The following PDE1C variants were observed in gnomAD, a reference collection of about 807,000 sequenced individuals.
The protein encoded by PDE1C is dual specificity calcium/calmodulin-dependent 3',5'-cyclic nucleotide phosphodiesterase 1C.
In PDE1C, 62 loss-of-function variants were observed where a neutral mutation model predicts 93.1. The observed-to-expected ratio is 0.67, with a 90% CI of 0.54 to 0.82. The LOEUF is 0.82. PDE1C is among the 40% of genes least tolerant of loss of function. The probability of loss-of-function intolerance (pLI) is 0.00; values close to 1 mark genes in which losing one functional copy is unlikely to be tolerated. For synonymous variants in PDE1C, 325 were observed against 310.1 expected, an observed-to-expected ratio of 1.05 and a Z score of -0.50; for missense variants, 742 against 884.6, an observed-to-expected ratio of 0.84 and a Z score of 2.04.
At chr7:32,178,844 A>G (rs944898923) in intron 2 of PDE1C, among the ~76,000 whole-genome samples, 31 of 152,288 alleles carry the variant, frequency 2.0e-4, no homozygotes, top group African/African-American at 6.7e-4. Context: ...AATCCTCCTG[A>G]CTGGCAGCAT....
chr7:32,147,272 A>AAAAGAAAGAGAAAG (rs1800919819), intron 3 of PDE1C, among the ~76,000 whole-genome samples: 1 of 96,610 alleles, frequency 1.0e-5, no homozygotes, highest in Admixed American at 1.1e-4. Context: ...AAGAAAGAAA[A>AAAAGAAAGAGAAAG]AAAGAAAGAA....
intron 9 of PDE1C, among the ~76,000 whole-genome samples, chr7:31,844,083 T>C (rs1359038984): frequency 1.3e-5 from 2 of 151,798 alleles, no homozygotes; most frequent in African/African-American, 2.4e-5. Context: ...TGAGATGGTG[T>C]TGTAATTTTT....
intron 2 of PDE1C, among the ~76,000 whole-genome samples, chr7:31,913,862 C>G (rs1426585234): frequency 2.0e-5 from 3 of 152,164 alleles, no homozygotes; most frequent in Non-Finnish European, 4.4e-5. Context: ...GCACAAAGAA[C>G]AAAGTTTTTC....
intron 3 of PDE1C, among the ~76,000 whole-genome samples, chr7:32,154,750 C>T (rs959227605): frequency 6.6e-6 from 1 of 152,236 alleles, no homozygotes; most frequent in African/African-American, 2.4e-5. Context: ...GTGGGCACCA[C>T]TGTGGTCACA....
intron 2 of PDE1C, among the ~76,000 whole-genome samples, chr7:31,953,441 G>A (rs1464399320): frequency 6.6e-6 from 1 of 152,142 alleles, no homozygotes; most frequent in Non-Finnish European, 1.5e-5. Context: ...CAAATCCTCA[G>A]CAAAATTACT....
chr7:32,245,968 C>CTT (rs369247468), intron 1 of PDE1C, among the ~76,000 whole-genome samples: 18 of 94,814 alleles, frequency 1.9e-4, no homozygotes, highest in African/African-American at 4.8e-4. Context: ...TTTTTCTTTT[C>CTT]TTTTTTTTTT....
chr7:31,998,522 C>G (rs1302475196), intron 2 of PDE1C, among the ~76,000 whole-genome samples: 2 of 152,170 alleles, frequency 1.3e-5, no homozygotes, highest in East Asian at 3.9e-4. Context: ...TACTTGTACA[C>G]ATCTAGGTAC....
intron 2 of PDE1C, among the ~76,000 whole-genome samples, chr7:32,206,083 C>G (rs954868380): frequency 6.6e-6 from 1 of 152,144 alleles, no homozygotes; most frequent in South Asian, 2.1e-4. Context: ...GTAAGGTTAC[C>G]TGCTCAACGC....
intron 2 of PDE1C, among the ~76,000 whole-genome samples, chr7:32,028,266 A>C (rs1789761759): frequency 6.6e-6 from 1 of 152,180 alleles, no homozygotes; most frequent in Non-Finnish European, 1.5e-5. Context: ...CATATTGAAC[A>C]GCAGATCTAG....
chr7:32,015,971 C>T (rs372318027), intron 2 of PDE1C, among the ~76,000 whole-genome samples: 9 of 152,290 alleles, frequency 5.9e-5, no homozygotes, highest in South Asian at 2.1e-4. Context: ...AGGGACAAGG[C>T]GGAAACGGCT....
chr7:31,969,857 C>G (rs1810652912), intron 2 of PDE1C, among the ~76,000 whole-genome samples: 1 of 152,088 alleles, frequency 6.6e-6, no homozygotes, highest in South Asian at 2.1e-4. Context: ...ATCGATGAAG[C>G]TGGAAACCAT....
intron 3 of PDE1C, among the ~76,000 whole-genome samples, chr7:32,085,068 G>C (rs4609111): frequency 0.58 from 72,468 of 124,400 alleles, 21,469 homozygotes; most frequent in African/African-American, 0.67. Context: ...CCAGGAGCTG[G>C]TTTTTTGAAA....
At chr7:31,652,731 AC>A in the PDE1C span, 51 of 1,613,930 alleles carry the variant, frequency 3.2e-5, 1 homozygote, top group African/African-American at 5.3e-4. Flanking sequence ...GGAGAACAGC[AC>A]CAGGATGTCT....
chr7:32,231,230 T>A (rs1562601183), intron 1 of PDE1C, among the ~76,000 whole-genome samples: 1 of 152,134 alleles, frequency 6.6e-6, no homozygotes, highest in Non-Finnish European at 1.5e-5. Flanking sequence ...GAGAGTTCAC[T>A]GGTTCAAAGG....
intron 2 of PDE1C, among the ~76,000 whole-genome samples, chr7:32,046,178 T>C (rs1295135617): frequency 2.6e-5 from 4 of 151,526 alleles, no homozygotes; most frequent in African/African-American, 9.7e-5. Flanking sequence ...TTCTTCCTAA[T>C]GTCTAGAATA....
At chr7:31,652,867 A>G in the PDE1C span, 2 of 1,593,994 alleles carry the variant, frequency 1.3e-6, no homozygotes, top group African/African-American at 2.7e-5. Context: ...CAAAATATAA[A>G]GGCCCAGAAC....
chr7:32,221,157 G>A (rs1057397994), intron 1 of PDE1C, among the ~76,000 whole-genome samples: 3 of 152,264 alleles, frequency 2.0e-5, no homozygotes, highest in Non-Finnish European at 2.9e-5. Context: ...CCCTCCTCCT[G>A]TGACAAAAAT....
intron 1 of PDE1C, among the ~76,000 whole-genome samples, chr7:32,338,234 T>C (rs1195236099): frequency 6.6e-6 from 1 of 152,170 alleles, no homozygotes; most frequent in Non-Finnish European, 1.5e-5. Flanking sequence ...AAGGGGTTAT[T>C]ATCCAGACTA....
chr7:31,983,059 C>T (rs1812599063), intron 2 of PDE1C, among the ~76,000 whole-genome samples: 2 of 152,204 alleles, frequency 1.3e-5, no homozygotes, highest in Admixed American at 1.3e-4. Flanking sequence ...CAGATCATGT[C>T]ATACTGACAT....
Sources: gnomAD v4.1 joint callset for allele counts (sites outside exome capture counted in the v4.1 genomes callset) on GRCh38, gnomAD v4.1.1 for gene constraint, MANE v1.5 for transcripts, NCBI Gene and HGNC (gene_info 2026-07-23, HGNC 2026-07-21) for gene names.